Variants in RALYL observed in about 807,000 individuals in gnomAD.
RALYL encodes RALY RNA binding protein like.
In RALYL, 29 loss-of-function variants were observed where a neutral mutation model predicts 35.1. The ratio of observed to expected loss-of-function variants is 0.83; its 90% confidence interval spans 0.61 to 1.13. The LOEUF is 1.13. RALYL is among the 50% of genes most tolerant of loss of function. The pLI, the probability that RALYL is intolerant of heterozygous loss-of-function variation, is 0.00. For synonymous variants in RALYL, 120 were observed against 127.6 expected (o/e 0.94, Z 0.40); for missense variants, 359 against 360.4 (o/e 1.00, Z 0.03).
chr8:84,904,798 C>G (rs1287305132), intron 8 of RALYL, among the ~76,000 whole-genome samples: 1 of 152,012 alleles, frequency 6.6e-6, no homozygotes, highest in Non-Finnish European at 1.5e-5. Flanking sequence ...AAAATTTTAA[C>G]CACACTTTTT....
intron 1 of RALYL, among the ~76,000 whole-genome samples, chr8:84,272,586 G>C (rs1834541293): frequency 6.6e-6 from 1 of 152,112 alleles, no homozygotes; most frequent in Non-Finnish European, 1.5e-5. Context: ...ATTGTCACAT[G>C]GGCCAGGATA....
At chr8:84,845,519 G>C (rs753104316) in intron 4 of RALYL, among the ~76,000 whole-genome samples, 5 of 151,854 alleles carry the variant, frequency 3.3e-5, no homozygotes, top group Non-Finnish European at 7.4e-5. Context: ...TAATAGGGTG[G>C]GTTTTTTGCT....
At chr8:84,313,423 C>T (rs1843171955) in intron 1 of RALYL, among the ~76,000 whole-genome samples, 1 of 152,208 alleles carries the variant, frequency 6.6e-6, no homozygotes, top group African/African-American at 2.4e-5. Flanking sequence ...CTATCACGGT[C>T]AGTCTGCAAA....
chr8:84,898,047 G>C (rs6985354), intron 8 of RALYL, among the ~76,000 whole-genome samples: 1 of 152,044 alleles, frequency 6.6e-6, no homozygotes, highest in Non-Finnish European at 1.5e-5. Flanking sequence ...ATGGCATTCC[G>C]CATGGAAAGA....
intron 1 of RALYL, among the ~76,000 whole-genome samples, chr8:84,469,503 G>C (rs201543200): frequency 2.0e-4 from 31 of 152,248 alleles, no homozygotes; most frequent in Non-Finnish European, 3.2e-4. Context: ...TGCCCGTCCT[G>C]AGATCTCCAG....
At chr8:84,207,168 T>C (rs1387642288) in intron 1 of RALYL, among the ~76,000 whole-genome samples, 1 of 152,050 alleles carries the variant, frequency 6.6e-6, no homozygotes, top group East Asian at 1.9e-4. Context: ...ACTTTGGGAA[T>C]TCAAAGGAAA....
At chr8:84,823,168 T>TGATA (rs1388995817) in intron 4 of RALYL, among the ~76,000 whole-genome samples, 1 of 152,128 alleles carries the variant, frequency 6.6e-6, no homozygotes, top group Non-Finnish European at 1.5e-5. Flanking sequence ...TATCAGACTG[T>TGATA]GATAGATTGG....
chr8:84,639,902 C>A (rs1825958540), intron 2 of RALYL, among the ~76,000 whole-genome samples: 1 of 152,002 alleles, frequency 6.6e-6, no homozygotes, highest in African/African-American at 2.4e-5. Flanking sequence ...GTGGACTTAT[C>A]TATAAATTCT....
intron 1 of RALYL, among the ~76,000 whole-genome samples, chr8:84,304,572 T>G (rs945201927): frequency 6.6e-6 from 1 of 151,966 alleles, no homozygotes; most frequent in African/African-American, 2.4e-5. Context: ...ATCCTGTGTT[T>G]TATGTAAAAT....
At chr8:84,819,605 C>T (rs1828065529) in intron 4 of RALYL, among the ~76,000 whole-genome samples, 3 of 152,034 alleles carry the variant, frequency 2.0e-5, no homozygotes, top group Admixed American at 2.0e-4. Flanking sequence ...AAAGAGTCTC[C>T]CTCAGTCTTT....
chr8:84,429,567 A>C (rs2046920080), intron 1 of RALYL, among the ~76,000 whole-genome samples: 1 of 151,828 alleles, frequency 6.6e-6, no homozygotes, highest in Non-Finnish European at 1.5e-5. Flanking sequence ...ATGCATCTCT[A>C]TTTTTAGTTT....
intron 1 of RALYL, among the ~76,000 whole-genome samples, chr8:84,319,991 G>A (rs1053763497): frequency 1.3e-5 from 2 of 151,926 alleles, no homozygotes; most frequent in Admixed American, 1.3e-4. Flanking sequence ...CATAAATGGT[G>A]TCAGTGTGTA....
intron 2 of RALYL, among the ~76,000 whole-genome samples, chr8:84,597,546 A>T (rs1447848289): frequency 6.6e-6 from 1 of 152,074 alleles, no homozygotes; most frequent in Non-Finnish European, 1.5e-5. Context: ...CTTCAAATCC[A>T]TGCTCCATGG....
chr8:84,505,434 G>T (rs2057082450), intron 1 of RALYL, among the ~76,000 whole-genome samples: 1 of 152,044 alleles, frequency 6.6e-6, no homozygotes, highest in South Asian at 2.1e-4. Flanking sequence ...TTTCTGTGTT[G>T]CCATACATAT....
intron 1 of RALYL, among the ~76,000 whole-genome samples, chr8:84,412,535 A>C (rs2132199300): frequency 6.6e-6 from 1 of 152,014 alleles, no homozygotes; most frequent in African/African-American, 2.4e-5. Context: ...TGTGAATCCC[A>C]AAGGCATTCA....
intron 1 of RALYL, among the ~76,000 whole-genome samples, chr8:84,299,582 G>C (rs1157152068): frequency 6.6e-6 from 1 of 151,944 alleles, no homozygotes; most frequent in Non-Finnish European, 1.5e-5. Flanking sequence ...ATTCAACTGT[G>C]AATCTGTGTG....
intron 1 of RALYL, among the ~76,000 whole-genome samples, chr8:84,208,422 C>G (rs192600988): frequency 6.6e-6 from 1 of 152,116 alleles, no homozygotes; most frequent in Non-Finnish European, 1.5e-5. Context: ...TAGACCTACT[C>G]TCAGCTTCAC....
intron 2 of RALYL, among the ~76,000 whole-genome samples, chr8:84,699,900 G>A (rs755373828): frequency 6.6e-6 from 1 of 151,970 alleles, no homozygotes; most frequent in African/African-American, 2.4e-5. Flanking sequence ...ATTGAAGGGA[G>A]GTGAATTATT....
intron 2 of RALYL, among the ~76,000 whole-genome samples, chr8:84,608,100 G>A (rs1003868073): frequency 1.3e-5 from 2 of 151,966 alleles, no homozygotes; most frequent in Non-Finnish European, 2.9e-5. Context: ...GCTTTGAGTA[G>A]CAGTGTTCTA....
Sources: gnomAD v4.1 joint callset for allele counts (sites outside exome capture counted in the v4.1 genomes callset) on GRCh38, gnomAD v4.1.1 for gene constraint, MANE v1.5 for transcripts, NCBI Gene and HGNC (gene_info 2026-07-23, HGNC 2026-07-21) for gene names.